LHPP: variants seen among roughly 807,000 people sequenced by gnomAD.
LHPP encodes the protein phospholysine phosphohistidine inorganic pyrophosphate phosphatase.
LHPP carries 24 observed loss-of-function variants against 30.3 expected under a neutral mutation model. That is an observed-to-expected ratio of 0.79 (90% CI 0.57 to 1.11). LHPP has a LOEUF of 1.11. LHPP is among the 50% of genes most tolerant of loss of function. The pLI is 0.00. For synonymous variants in LHPP, 150 were observed against 157.1 expected, an observed-to-expected ratio of 0.95 and a Z score of 0.34; for missense variants, 356 against 367.2, an observed-to-expected ratio of 0.97 and a Z score of 0.25.
intron 6 of LHPP, among the ~76,000 whole-genome samples, chr10:124,574,060 C>G (rs999220245): frequency 4.6e-5 from 7 of 152,132 alleles, no homozygotes; most frequent in Admixed American, 6.5e-5. Context: ...CCAGGGGACA[C>G]GAAGCCCTGG....
At chr10:124,581,338 T>C (rs1948739833) in intron 6 of LHPP, among the ~76,000 whole-genome samples, 1 of 152,242 alleles carries the variant, frequency 6.6e-6, no homozygotes, top group African/African-American at 2.4e-5. Flanking sequence ...CCTTTGGCTA[T>C]TGTGAGTAAT....
At chr10:124,518,440 C>T (rs911068354) in intron 6 of LHPP, among the ~76,000 whole-genome samples, 6 of 152,230 alleles carry the variant, frequency 3.9e-5, no homozygotes, top group Admixed American at 3.3e-4. Context: ...TGCTCCCAGG[C>T]GAGGGGCTCT....
chr10:124,548,536 C>G (rs938605089), intron 6 of LHPP, among the ~76,000 whole-genome samples: 4 of 152,204 alleles, frequency 2.6e-5, no homozygotes, highest in Non-Finnish European at 5.9e-5. Flanking sequence ...TGCTCCCCCT[C>G]CTACCTCGGG....
chr10:124,554,044 G>C (rs915576306), intron 6 of LHPP: 12 of 985,466 alleles, frequency 1.2e-5, no homozygotes, highest in Non-Finnish European at 1.3e-5. Flanking sequence ...ATAGAAGAAG[G>C]CCTCGAGCCT....
chr10:124,500,796 T>C (rs1401912587), intron 5 of LHPP, among the ~76,000 whole-genome samples: 1 of 151,932 alleles, frequency 6.6e-6, no homozygotes, highest in Non-Finnish European at 1.5e-5. Context: ...TCTCTATTGC[T>C]GCTGGGAAGG....
chr10:124,536,576 C>T (rs1390282472), intron 6 of LHPP, among the ~76,000 whole-genome samples: 1 of 152,172 alleles, frequency 6.6e-6, no homozygotes, highest in Non-Finnish European at 1.5e-5. Flanking sequence ...GCTGTGTATC[C>T]CAGAGCCAGA....
At chr10:124,490,486 C>G (rs1220414064) in intron 3 of LHPP, 1 of 340,888 alleles carries the variant, frequency 2.9e-6, no homozygotes, top group East Asian at 7.8e-5. Context: ...AGCTCCGGGT[C>G]TTAGGCAGGT....
chr10:124,497,945 T>A, intron 4 of LHPP, 91 bp from the exon 5 acceptor site: 1 of 1,022,108 alleles, frequency 9.8e-7, no homozygotes, highest in Non-Finnish European at 1.5e-6. Context: ...CCTTGACTCT[T>A]GGGGGCACAT....
At position 124,517,404 on chromosome 10, in the gene LHPP, G is replaced by A; in HGVS notation, c.716+133G>A. On this transcript the variant is annotated intron_variant, in intron 6 of 6. Coordinates refer to ENST00000368842, the MANE Select transcript of LHPP (RefSeq NM_022126.4). The surrounding 1 kb of genome is among the most constrained non-coding windows in gnomAD (Gnocchi z 4.1). ...GCAGTATGTGGGCATTCACTATCTT[G>A]TATGTAATGGACCTCTAAGAACAGG... is the stretch of plus-strand genomic sequence containing the variant. 1 of 573,338 alleles carries A rather than the reference G, an allele frequency of 1.7e-6. No homozygotes were observed. The highest frequency in any genetic ancestry group is 3.6e-5 in the Admixed American group (1 of 27,618). The allele number at this position is 573,338 out of a possible 1,614,324, so 35.5% of individuals were successfully genotyped here. A position where few individuals can be genotyped will look rare whatever the true frequency, so the allele number is the denominator to read the frequency against.
intron 6 of LHPP, among the ~76,000 whole-genome samples, chr10:124,553,510 G>A (rs1400458277): frequency 7.3e-6 from 1 of 137,550 alleles, no homozygotes; most frequent in Non-Finnish European, 1.5e-5. Flanking sequence ...CCAGGCTGGA[G>A]TGCCGTGGCA....
intron 1 of LHPP, among the ~76,000 whole-genome samples, chr10:124,481,533 C>A (rs1335879277): frequency 6.6e-6 from 1 of 151,906 alleles, no homozygotes; most frequent in Non-Finnish European, 1.5e-5. Context: ...CCCGCCACCA[C>A]ACCTGGCTAA....
Position 124,576,031 on chromosome 10 carries a change from G to A in LHPP, c.717-37233G>A, listed in dbSNP as rs78577603. ...TACTAATCAGTGCTTCATGAGAAAGGTATGAGCCGAAAGAAATGGGGGTTC... is the reference window on the plus strand; with the variant it reads ...TACTAATCAGTGCTTCATGAGAAAGATATGAGCCGAAAGAAATGGGGGTTC... On this transcript the variant is annotated intron_variant, in intron 6 of 6. Coordinates refer to ENST00000368842, the MANE Select transcript of LHPP (RefSeq NM_022126.4). This position sits in a 1 kb window ranked among gnomAD's most constrained non-coding sequence, Gnocchi z 4.2. Among the ~76,000 whole-genome samples the A allele has an allele frequency of 0.018, 2,673 of 152,272 alleles. 70 individuals carry two copies. Among genetic ancestry groups the A allele is most frequent in the African/African-American group, 0.061 (2,539 of 41,524 alleles).
intron 5 of LHPP, among the ~76,000 whole-genome samples, chr10:124,507,685 C>G (rs1268951525): frequency 3.0e-3 from 60 of 19,884 alleles, no homozygotes; most frequent in African/African-American, 3.1e-3. Context: ...GGAGGGTAGA[C>G]AGGATTTCAG....
At chr10:124,506,585 T>G (rs1431487585) in intron 5 of LHPP, among the ~76,000 whole-genome samples, 7 of 149,980 alleles carry the variant, frequency 4.7e-5, no homozygotes, top group Non-Finnish European at 7.4e-5. Flanking sequence ...CGTCCAGTGC[T>G]CTTTGCCATA....
At chr10:124,471,727 A>ATATTTATATATATTTG (rs71026094) in intron 1 of LHPP, among the ~76,000 whole-genome samples, 5,396 of 30,316 alleles carry the variant, frequency 0.18, 17 homozygotes, top group East Asian at 0.29. Flanking sequence ...ATATTTATGT[A>ATATTTATATATATTTG]TATATATATT....
chr10:124,486,386 C>G lies in LHPP; in HGVS notation c.314-2036C>G, dbSNP rs375150227. On this transcript the variant is annotated intron_variant, in intron 2 of 6. Transcript: ENST00000368842. ...CAGTATATAATTGTGCTGGGGCCTCCAGTGCTACCCCCAGGCTGAATGATT... is the reference window on the plus strand; with the variant it reads ...CAGTATATAATTGTGCTGGGGCCTCGAGTGCTACCCCCAGGCTGAATGATT... Among the ~76,000 whole-genome samples the G allele has an allele frequency of 1.5e-3, 222 of 152,280 alleles. 4 individuals are homozygous for G. The South Asian group carries it at 0.044, about 30-fold the overall frequency.
rs748263993 is a variant in LHPP at position 124,484,335 on chromosome 10, G to A, written c.313+9G>A. 1.2e-6 allele frequency: 2 copies of A among 1,607,428 alleles called. No homozygotes were observed. The highest frequency in any genetic ancestry group is 1.7e-6 in the Non-Finnish European group (2 of 1,174,790). On this transcript the variant is annotated intron_variant, in intron 2 of 6. Coordinates refer to ENST00000368842, the MANE Select transcript of LHPP (RefSeq NM_022126.4). ...CCTGCTCATCCATGACGGTAGGCCT[G>A]TCGGACACCAGGACCTCACGGGGGT...
At chr10:124,530,824 G>A (rs1028982619) in intron 6 of LHPP, among the ~76,000 whole-genome samples, 5 of 152,200 alleles carry the variant, frequency 3.3e-5, no homozygotes, top group East Asian at 3.8e-4. Context: ...GCACAGGGCC[G>A]AGGGCCACCA....
Position 124,461,982 on chromosome 10 carries a change from G to A in LHPP, c.120G>A (p.Val40=). ...CCATCGCCGGCTCGGTGGAGGCGGTGGCCAGGTGAGTGGGCCCCGGGACGC... is the reference window on the plus strand; with the variant it reads ...CCATCGCCGGCTCGGTGGAGGCGGTAGCCAGGTGAGTGGGCCCCGGGACGC... ...GTAIAGSVEA[V]ARLKRSRLKV... is the part of the protein sequence containing the mutation. Residue 40 remains valine, a synonymous_variant, in exon 1 of 7, where the codon GTG becomes GTA. Transcript: ENST00000368842. 3 of 1,216,742 alleles carry A rather than the reference G, an allele frequency of 2.5e-6. No individual in the cohort carries two copies. Among genetic ancestry groups the A allele is most frequent in the Non-Finnish European group, 3.1e-6 (3 of 975,692 alleles). 75.4% of individuals were successfully genotyped at this position (1,216,742 alleles called of 1,614,324 possible). A position where few individuals can be genotyped will look rare whatever the true frequency, so the allele number is the denominator to read the frequency against.
Sources: allele counts gnomAD v4.1 joint callset (sites outside exome capture counted in the v4.1 genomes callset), GRCh38; gene constraint gnomAD v4.1.1; non-coding constraint Gnocchi (gnomAD v3.1); transcripts MANE v1.5; gene names NCBI Gene and HGNC (gene_info 2026-07-23, HGNC 2026-07-21).